HS3ST5: variants seen among roughly 807,000 people sequenced by gnomAD.
HS3ST5 encodes heparan sulfate glucosamine 3-O-sulfotransferase 5.
A neutral mutation model predicts 25.4 loss-of-function variants in HS3ST5; 10 were observed. That is an observed-to-expected ratio of 0.39 (90% CI 0.24 to 0.67). The LOEUF (loss-of-function observed/expected upper bound fraction) is 0.67, where lower values mean the gene tolerates loss of function less well. Among genes scored for constraint, HS3ST5 ranks in the 30% least tolerant of loss-of-function variants. The pLI, the probability that HS3ST5 is intolerant of heterozygous loss-of-function variation, is 0.44. For synonymous variants in HS3ST5, 170 were observed against 162.4 expected (o/e 1.05, Z -0.36); for missense variants, 324 against 420.7 (o/e 0.77, Z 2.01).
In HS3ST5 at chr6:114,264,696, T is replaced by C. The variant is rs143697630; in HGVS notation, c.-338-35918A>G. ...GCCTATCAGATGTTCAGTGAAAAGCTTGGACTAGTGTTGTAAACCTAAGAG... is the reference window on the plus strand; with the variant it reads ...GCCTATCAGATGTTCAGTGAAAAGCCTGGACTAGTGTTGTAAACCTAAGAG... On this transcript the variant is annotated intron_variant, in intron 1 of 4. Transcript: ENST00000312719. Among the ~76,000 whole-genome samples the C allele has an allele frequency of 3.9e-3, 598 of 152,286 alleles. 4 individuals carry two copies. Among genetic ancestry groups the C allele is most frequent in the African/African-American group, 0.012 (519 of 41,560 alleles).
rs576251269 is a variant in HS3ST5 at position 114,245,081 on chromosome 6, T to C, written c.-338-16303A>G. Reference sequence around the variant, plus strand: ...GTGAATCACAAGGTGGCATCTAGGTTTTAGATACTATTCAGTGTAGAAGAT... The same window carrying C: ...GTGAATCACAAGGTGGCATCTAGGTCTTAGATACTATTCAGTGTAGAAGAT... On this transcript the variant is annotated intron_variant, in intron 1 of 4. Coordinates refer to ENST00000312719, the MANE Select transcript of HS3ST5 (RefSeq NM_153612.4). Among the ~76,000 whole-genome samples the C allele has an allele frequency of 3.3e-5, 5 of 152,316 alleles. No individual in the cohort carries two copies. In the South Asian group the frequency reaches 8.3e-4, roughly 25 times the overall value.
At chr6:114,178,478 G>A (rs1779821732) in intron 2 of HS3ST5, among the ~76,000 whole-genome samples, 1 of 152,178 alleles carries the variant, frequency 6.6e-6, no homozygotes, top group African/African-American at 2.4e-5. Flanking sequence ...GATGAATGGT[G>A]ACAAGGGAGA....
chr6:114,082,682 TAATC>T (rs942926605), intron 3 of HS3ST5, among the ~76,000 whole-genome samples: 2 of 152,216 alleles, frequency 1.3e-5, no homozygotes, highest in African/African-American at 2.4e-5. Flanking sequence ...TCTCTTCAAA[TAATC>T]AATATGTCAG....
rs1772744062 is a variant in HS3ST5, at chr6:114,055,775, A to T, written c.*1482T>A. On this transcript the variant is annotated 3_prime_UTR_variant, in exon 5 of 5. Transcript: ENST00000312719. Reference sequence around the variant, plus strand: ...AACTCTCTCAAACATCTCCCACTGGATTAGCAACTGTGATTGTGAGAAAAA... The same window carrying T: ...AACTCTCTCAAACATCTCCCACTGGTTTAGCAACTGTGATTGTGAGAAAAA... 6.6e-6 allele frequency: 1 copy of T among 152,122 alleles called. No homozygotes were observed. Among genetic ancestry groups the T allele is most frequent in the South Asian group, 2.1e-4 (1 of 4,826 alleles). The allele number at this position is 152,122 out of a possible 1,614,324, so 9.4% of individuals were successfully genotyped here. A position where few individuals can be genotyped will look rare whatever the true frequency, so the allele number is the denominator to read the frequency against.
intron 2 of HS3ST5, among the ~76,000 whole-genome samples, chr6:114,219,920 A>T (rs982729098): frequency 6.6e-6 from 1 of 152,124 alleles, no homozygotes. Context: ...TATTTCATTC[A>T]CTACCAGAAA....
At chr6:114,120,362 TA>T (rs1193821014) in intron 3 of HS3ST5, among the ~76,000 whole-genome samples, 2 of 152,224 alleles carry the variant, frequency 1.3e-5, no homozygotes, top group African/African-American at 4.8e-5. Flanking sequence ...GCCCTACATT[TA>T]TACAGTAATT....
chr6:114,063,174 TTGTG>T (rs942352703), intron 3 of HS3ST5, among the ~76,000 whole-genome samples: 5 of 151,392 alleles, frequency 3.3e-5, no homozygotes, highest in African/African-American at 1.2e-4. Flanking sequence ...TATAGTGTGT[TTGTG>T]TGTGTGTGTG....
intron 3 of HS3ST5, among the ~76,000 whole-genome samples, chr6:114,126,363 C>G (rs537747735): frequency 2.6e-5 from 4 of 152,218 alleles, no homozygotes; most frequent in African/African-American, 9.6e-5. Flanking sequence ...CTCAAGGTGT[C>G]CCAACCTTTC....
At chr6:114,084,521 C>T (rs1208949987) in intron 3 of HS3ST5, 2 of 758,650 alleles carry the variant, frequency 2.6e-6, no homozygotes, top group Non-Finnish European at 4.8e-6. Context: ...ACTTCCCGAG[C>T]CGGCGTCCAC....
chr6:114,320,893 G>GCTCTCT (rs10544089), intron 1 of HS3ST5, among the ~76,000 whole-genome samples: 17 of 140,520 alleles, frequency 1.2e-4, no homozygotes, highest in African/African-American at 4.5e-4. Context: ...CATAGGAAGT[G>GCTCTCT]CTCTCTCTCT....
intron 1 of HS3ST5, among the ~76,000 whole-genome samples, chr6:114,316,769 A>C (rs1775763884): frequency 6.6e-6 from 1 of 152,230 alleles, no homozygotes; most frequent in Non-Finnish European, 1.5e-5. Context: ...CAACAGCACA[A>C]ATTATTTTAA....
intron 1 of HS3ST5, among the ~76,000 whole-genome samples, chr6:114,261,160 GA>G (rs1189877938): frequency 1.3e-5 from 2 of 151,830 alleles, no homozygotes; most frequent in African/African-American, 2.4e-5. Flanking sequence ...ATTTGGGTAG[GA>G]AAAAAAATGA....
chr6:114,197,237 G>C (rs568322145), intron 2 of HS3ST5, among the ~76,000 whole-genome samples: 1 of 151,044 alleles, frequency 6.6e-6, no homozygotes, highest in Non-Finnish European at 1.5e-5. Flanking sequence ...ATTTGGTCCT[G>C]TTCAAGACTA....
chr6:114,212,612 C>T (rs1239841834), intron 2 of HS3ST5, among the ~76,000 whole-genome samples: 1 of 152,186 alleles, frequency 6.6e-6, no homozygotes, highest in East Asian at 1.9e-4. Flanking sequence ...TTAACTTAGA[C>T]ATATTTACTT....
In HS3ST5 at chr6:114,140,407, T is replaced by C. The variant is rs776426599; in HGVS notation, c.-33+27944A>G. On this transcript the variant is annotated intron_variant, in intron 3 of 4. Transcript: ENST00000312719. ...TTATTTAAACGGTGTATTAAATAAT[T>C]GTAAAAGTGGTTGGTAGATCTGGCC... 6.6e-5 allele frequency among the ~76,000 whole-genome samples: 10 copies of C among 152,180 alleles called. No individual in the cohort carries two copies. The South Asian group carries it at 8.3e-4, about 13-fold the overall frequency.
intron 1 of HS3ST5, among the ~76,000 whole-genome samples, chr6:114,282,500 T>C (rs955463457): frequency 8.5e-5 from 13 of 152,128 alleles, no homozygotes; most frequent in African/African-American, 3.1e-4. Flanking sequence ...ATTTTCTCGG[T>C]CTGTCGGAGG....
At chr6:114,192,104 T>G (rs1302962477) in intron 2 of HS3ST5, among the ~76,000 whole-genome samples, 1 of 152,154 alleles carries the variant, frequency 6.6e-6, no homozygotes, top group African/African-American at 2.4e-5. Context: ...ATAATGAAAT[T>G]AAGCAACAAA....
chr6:114,133,485 G>T (rs1229968546), intron 3 of HS3ST5, among the ~76,000 whole-genome samples: 1 of 152,138 alleles, frequency 6.6e-6, no homozygotes, highest in Non-Finnish European at 1.5e-5. Flanking sequence ...TCTATACAGT[G>T]GTGGTGTTTT....
intron 3 of HS3ST5, among the ~76,000 whole-genome samples, chr6:114,118,230 A>G (rs1257624871): frequency 2.0e-5 from 3 of 152,194 alleles, no homozygotes; most frequent in Non-Finnish European, 4.4e-5. Flanking sequence ...ATGGACATCT[A>G]TACAATTATT....
Sources: allele counts gnomAD v4.1 joint callset (sites outside exome capture counted in the v4.1 genomes callset), GRCh38; gene constraint gnomAD v4.1.1; transcripts MANE v1.5; gene names NCBI Gene and HGNC (gene_info 2026-07-23, HGNC 2026-07-21).